The following TRPC4 variants were observed in gnomAD, a reference collection of about 807,000 sequenced individuals.
The protein encoded by TRPC4 is transient receptor potential cation channel subfamily C member 4, also known as short transient receptor potential channel 4.
In TRPC4, 49 loss-of-function variants were observed where a neutral mutation model predicts 99.4. The ratio of observed to expected loss-of-function variants is 0.49; its 90% CI spans 0.39 to 0.63. The LOEUF (loss-of-function observed/expected upper bound fraction) is 0.63. Among genes scored for constraint, TRPC4 ranks in the 20% least tolerant of loss-of-function variants. The pLI, the probability that TRPC4 is intolerant of heterozygous loss-of-function variation, is 0.00. For synonymous variants in TRPC4, 454 were observed against 425.9 expected, an observed-to-expected ratio of 1.07 and a Z score of -0.81; for missense variants, 898 against 1,152.9, an observed-to-expected ratio of 0.78 and a Z score of 3.20.
intron 2 of TRPC4, among the ~76,000 whole-genome samples, chr13:37,780,867 A>G (rs1956821280): frequency 6.6e-6 from 1 of 152,066 alleles, no homozygotes; most frequent in South Asian, 2.1e-4. Context: ...GCCTTCACTG[A>G]AGAGGAATTC....
intron 1 of TRPC4, among the ~76,000 whole-genome samples, chr13:37,861,749 C>A (rs1448305989): frequency 6.6e-6 from 1 of 151,442 alleles, no homozygotes; most frequent in Non-Finnish European, 1.5e-5. Context: ...TTAAAATGAA[C>A]CAGATAAGCA....
At chr13:37,655,043 C>G (rs769260238) in intron 7 of TRPC4, 45 bp downstream of exon 7, 1 of 1,383,992 alleles carries the variant, frequency 7.2e-7, no homozygotes, top group Non-Finnish European at 9.6e-7. Flanking sequence ...AAGAACAACA[C>G]ATTCTAGAGG....
chr13:37,665,946 G>A (rs529121849), intron 5 of TRPC4, among the ~76,000 whole-genome samples: 1 of 148,332 alleles, frequency 6.7e-6, no homozygotes, highest in Non-Finnish European at 1.5e-5. Context: ...AGCACTTCTA[G>A]TCATGGCCAG....
chr13:37,778,484 G>T (rs1593720587), intron 2 of TRPC4, among the ~76,000 whole-genome samples: 1 of 151,790 alleles, frequency 6.6e-6, no homozygotes, highest in Admixed American at 6.6e-5. Flanking sequence ...CTATATCAAG[G>T]TTGGTTGCTA....
chr13:37,710,912 GC>G (rs1954462155), intron 3 of TRPC4, among the ~76,000 whole-genome samples: 2 of 151,920 alleles, frequency 1.3e-5, no homozygotes, highest in East Asian at 3.9e-4. Flanking sequence ...AGCTTCTGGG[GC>G]CTATATGATG....
At chr13:37,642,882 C>A (rs180988357) in intron 8 of TRPC4, among the ~76,000 whole-genome samples, 58 of 152,162 alleles carry the variant, frequency 3.8e-4, no homozygotes, top group Admixed American at 3.5e-3. Flanking sequence ...AGGTGCATGG[C>A]ACCACGCCTG....
chr13:37,687,199 G>A (rs1953512078), intron 4 of TRPC4, among the ~76,000 whole-genome samples: 1 of 152,008 alleles, frequency 6.6e-6, no homozygotes, highest in African/African-American at 2.4e-5. Flanking sequence ...CCCTGACCTC[G>A]TGATCCACCC....
At chr13:37,815,081 A>C (rs1358910584) in intron 1 of TRPC4, among the ~76,000 whole-genome samples, 1 of 151,818 alleles carries the variant, frequency 6.6e-6, no homozygotes, top group Non-Finnish European at 1.5e-5. Context: ...TTAATGGAAA[A>C]AAGATCTTTC....
At chr13:37,697,980 T>G (rs1678175790) in intron 3 of TRPC4, among the ~76,000 whole-genome samples, 1 of 151,926 alleles carries the variant, frequency 6.6e-6, no homozygotes, top group Admixed American at 6.6e-5. Context: ...TGTGTGAGCG[T>G]GCATGAGTTC....
chr13:37,723,385 G>A (rs997790419), intron 3 of TRPC4, among the ~76,000 whole-genome samples: 3 of 151,798 alleles, frequency 2.0e-5, no homozygotes, highest in African/African-American at 4.8e-5. Flanking sequence ...TACAAAAAAC[G>A]CAAAACTCCA....
chr13:37,862,135 A>G (rs1959384334), intron 1 of TRPC4, among the ~76,000 whole-genome samples: 1 of 151,474 alleles, frequency 6.6e-6, no homozygotes, highest in Non-Finnish European at 1.5e-5. Flanking sequence ...TCTAAATTTG[A>G]TCTGACCTTC....
Position 37,655,370 on chromosome 13 carries a change from T to TATAC in TRPC4, c.1689-88_1689-87insGTAT, listed in dbSNP as rs927737899. The TATAC allele has an allele frequency of 6.7e-4, 270 of 400,912 alleles. 5 individuals are homozygous for TATAC. The highest frequency in any genetic ancestry group is 2.0e-3 in the South Asian group (15 of 7,636). 24.8% of individuals were successfully genotyped at this position (400,912 alleles called of 1,614,324 possible). A position where few individuals can be genotyped will look rare whatever the true frequency, so the allele number is the denominator to read the frequency against. On this transcript the variant is annotated intron_variant, in intron 6 of 10. Coordinates refer to ENST00000379705, the MANE Select transcript of TRPC4 (RefSeq NM_016179.4). ...AACAATAAAGCTTGGCATGATTATA[T>TATAC]ATATATATATATATAATTAACTTAA...
At chr13:37,849,153 T>C (rs1488269218) in intron 1 of TRPC4, among the ~76,000 whole-genome samples, 2 of 152,132 alleles carry the variant, frequency 1.3e-5, no homozygotes, top group African/African-American at 2.4e-5. Context: ...ACGCCCTTCA[T>C]AGAAGGGTAT....
intron 1 of TRPC4, among the ~76,000 whole-genome samples, chr13:37,798,242 AG>A (rs1348025798): frequency 1.3e-5 from 2 of 152,186 alleles, no homozygotes; most frequent in Non-Finnish European, 2.9e-5. Flanking sequence ...TATAAGAAAG[AG>A]CTATGAACTA....
At chr13:37,701,083 G>T (rs1954087768) in intron 3 of TRPC4, among the ~76,000 whole-genome samples, 1 of 152,090 alleles carries the variant, frequency 6.6e-6, no homozygotes, top group African/African-American at 2.4e-5. Flanking sequence ...TGTGCTATTT[G>T]CTCCAACTTG....
intron 1 of TRPC4, among the ~76,000 whole-genome samples, chr13:37,837,471 G>A (rs1481411346): frequency 6.6e-6 from 1 of 152,216 alleles, no homozygotes; most frequent in African/African-American, 2.4e-5. Flanking sequence ...TGACCTGGAT[G>A]TGAGACTTGG....
chr13:37,845,085 T>G (rs1254689925), intron 1 of TRPC4, among the ~76,000 whole-genome samples: 1 of 152,152 alleles, frequency 6.6e-6, no homozygotes, highest in Non-Finnish European at 1.5e-5. Context: ...ACCATTCAAA[T>G]TCAGAGCACA....
At chr13:37,698,213 T>TGCA (rs1446373029) in intron 3 of TRPC4, among the ~76,000 whole-genome samples, 1 of 125,966 alleles carries the variant, frequency 7.9e-6, no homozygotes, top group African/African-American at 3.0e-5. Context: ...CAGGCTGGAG[T>TGCA]GCAGCAGCGC....
At chr13:37,735,496 T>A (rs1955368358) in intron 3 of TRPC4, among the ~76,000 whole-genome samples, 1 of 152,162 alleles carries the variant, frequency 6.6e-6, no homozygotes, top group African/African-American at 2.4e-5. Context: ...AGTATAAATG[T>A]GAACATTTGT....
Sources: gnomAD v4.1 joint callset for allele counts (sites outside exome capture counted in the v4.1 genomes callset) on GRCh38, gnomAD v4.1.1 for gene constraint, MANE v1.5 for transcripts, NCBI Gene and HGNC (gene_info 2026-07-23, HGNC 2026-07-21) for gene names.